Variants in SIDT1 observed in about 807,000 individuals in gnomAD.
SIDT1 encodes SID1 transmembrane family member 1.
In SIDT1, 101 loss-of-function variants were observed where a neutral mutation model predicts 107.5. That is an observed-to-expected ratio of 0.94 (90% CI 0.80 to 1.11). The LOEUF (loss-of-function observed/expected upper bound fraction) is 1.11. Among genes scored for constraint, SIDT1 ranks in the 50% least tolerant of loss-of-function variants. The pLI, the probability that SIDT1 is intolerant of heterozygous loss-of-function variation, is 0.00. For synonymous variants in SIDT1, 395 were observed against 398.2 expected (o/e 0.99, Z 0.10); for missense variants, 1,076 against 1,058.2 (o/e 1.02, Z -0.23).
At chr3:113,535,114 A>T (rs1937965679) in intron 1 of SIDT1, among the ~76,000 whole-genome samples, 2 of 152,170 alleles carry the variant, frequency 1.3e-5, no homozygotes, top group African/African-American at 4.8e-5. Flanking sequence ...TCTACAAAAA[A>T]TTAAAAAATT....
chr3:113,624,185 A>G (rs973266381), intron 23 of SIDT1, among the ~76,000 whole-genome samples: 9 of 152,230 alleles, frequency 5.9e-5, no homozygotes, highest in Non-Finnish European at 1.0e-4. Flanking sequence ...CCATCAGAAC[A>G]GTTACCACAA....
chr3:113,611,149 G>A lies in SIDT1; in HGVS notation c.1857+5G>A, dbSNP rs148845684. On this transcript the variant is annotated splice_donor_5th_base_variant and intron_variant, in intron 18 of 24. Transcript: ENST00000264852. Reference sequence around the variant, plus strand: ...ATGGTCACCGTCCTTGGAGTGGTGCGTCCCCCACCTTCTTCCACCTGGCTC... The same window carrying A: ...ATGGTCACCGTCCTTGGAGTGGTGCATCCCCCACCTTCTTCCACCTGGCTC... 16 of 1,612,232 alleles carry A rather than the reference G, an allele frequency of 9.9e-6. No individual in the cohort carries two copies. The highest frequency in any genetic ancestry group is 4.4e-5 in the South Asian group (4 of 90,962).
At chr3:113,556,789 G>A (rs2107690028) in intron 1 of SIDT1, among the ~76,000 whole-genome samples, 1 of 149,392 alleles carries the variant, frequency 6.7e-6, no homozygotes, top group African/African-American at 2.5e-5. Context: ...TTAGTCTGTG[G>A]CTTCTGATTG....
chr3:113,627,624 T>C (rs1254539020), intron 24 of SIDT1, 22 bp from the exon 25 acceptor site: 6 of 1,612,698 alleles, frequency 3.7e-6, no homozygotes, highest in Non-Finnish European at 5.1e-6. Context: ...TTCCTTTCAT[T>C]TCTCTGTCCC....
intron 3 of SIDT1, among the ~76,000 whole-genome samples, chr3:113,570,383 G>A (rs1235920801): frequency 6.6e-6 from 1 of 152,196 alleles, no homozygotes; most frequent in Non-Finnish European, 1.5e-5. Flanking sequence ...AATCAATCAA[G>A]TGTCACCTGG....
At chr3:113,552,787 A>T (rs1180958954) in intron 1 of SIDT1, among the ~76,000 whole-genome samples, 1 of 152,214 alleles carries the variant, frequency 6.6e-6, no homozygotes, top group Non-Finnish European at 1.5e-5. Context: ...CCAAATGGGC[A>T]TATCCATCTA....
intron 3 of SIDT1, among the ~76,000 whole-genome samples, chr3:113,571,302 C>T (rs1451459911): frequency 6.6e-6 from 1 of 152,098 alleles, no homozygotes; most frequent in Non-Finnish European, 1.5e-5. Flanking sequence ...CCTGTAGATC[C>T]AGTTACTCAG....
At chr3:113,581,545 C>T in intron 6 of SIDT1, 101 bp downstream of exon 6, 1 of 880,154 alleles carries the variant, frequency 1.1e-6, no homozygotes, top group Middle Eastern at 2.3e-4. Context: ...CCATGATGTG[C>T]CTAGGATCTC....
chr3:113,615,463 T>C (rs146709114), intron 19 of SIDT1, among the ~76,000 whole-genome samples: 3 of 152,334 alleles, frequency 2.0e-5, no homozygotes, highest in African/African-American at 7.2e-5. Flanking sequence ...TGACTGTTCA[T>C]GTAACATTAT....
intron 1 of SIDT1, among the ~76,000 whole-genome samples, chr3:113,560,305 C>G (rs899867054): frequency 2.0e-5 from 3 of 152,172 alleles, no homozygotes; most frequent in Non-Finnish European, 4.4e-5. Context: ...CTCTGTGTAC[C>G]CACAGTACTT....
chr3:113,625,319 A>G (rs1946777811), intron 23 of SIDT1, among the ~76,000 whole-genome samples: 1 of 151,828 alleles, frequency 6.6e-6, no homozygotes, highest in Admixed American at 6.6e-5. Context: ...TTGTATTTTT[A>G]GTAGAGACGG....
chr3:113,533,313 AGTCCCCTG>A (rs1937687083), intron 1 of SIDT1, 70 bp downstream of exon 1: 1 of 1,230,118 alleles, frequency 8.1e-7, no homozygotes, highest in Non-Finnish European at 1.1e-6. Flanking sequence ...GCTGCTTTGG[AGTCCCCTG>A]GGAATTGACC....
At chr3:113,560,786 T>C (rs79086145) in intron 1 of SIDT1, among the ~76,000 whole-genome samples, 6,767 of 152,328 alleles carry the variant, frequency 0.044, 253 homozygotes, top group Admixed American at 0.083. Context: ...ATTTTTGAAT[T>C]GAATTCATTT....
In SIDT1 at chr3:113,608,176, C is replaced by G. The variant is rs1945475097; in HGVS notation, c.1561C>G (p.Leu521Val). 2 of 1,610,704 alleles carry G rather than the reference C, an allele frequency of 1.2e-6. No homozygotes were observed. Among genetic ancestry groups the G allele is most frequent in the Non-Finnish European group, 1.7e-6 (2 of 1,178,618 alleles). The change falls in exon 16 of 25, where the codon CTC becomes GTC. Residue 521 changes from leucine to valine, a missense_variant. Leu to Val is a conservative substitution (Grantham distance 32). Coordinates refer to ENST00000264852, the MANE Select transcript of SIDT1 (RefSeq NM_017699.3). ...FLLIVLRRDI[L>V]HRRALEAKDI... ...GCTGATAGTCTTGCGCCGCGACATC[C>G]TCCATCGGAGAGCCCTGGAAGCCAA...
intron 1 of SIDT1, among the ~76,000 whole-genome samples, chr3:113,539,991 T>G: frequency 7.3e-6 from 1 of 136,580 alleles, no homozygotes; most frequent in African/African-American, 2.9e-5. Context: ...ACAACAACAG[T>G]GAAACTCCGT....
intron 19 of SIDT1, among the ~76,000 whole-genome samples, chr3:113,613,206 C>T (rs890648696): frequency 6.6e-6 from 1 of 152,236 alleles, no homozygotes; most frequent in African/African-American, 2.4e-5. Flanking sequence ...ACCACTTGGC[C>T]ATTCCCTGCC....
At chr3:113,565,183 T>G (rs1454797501) in intron 1 of SIDT1, among the ~76,000 whole-genome samples, 2 of 152,126 alleles carry the variant, frequency 1.3e-5, no homozygotes, top group African/African-American at 2.4e-5. Context: ...TGTTGTTGCT[T>G]TTACCCTATC....
intron 1 of SIDT1, among the ~76,000 whole-genome samples, chr3:113,534,095 G>GAGAGAC (rs530837326): frequency 2.7e-4 from 41 of 152,152 alleles, no homozygotes; most frequent in Non-Finnish European, 4.0e-4. Flanking sequence ...AAGAGAGAAA[G>GAGAGAC]AGAGACAGAG....
At chr3:113,567,083 A>G (rs1941988560) in intron 2 of SIDT1, among the ~76,000 whole-genome samples, 1 of 152,234 alleles carries the variant, frequency 6.6e-6, no homozygotes, top group Admixed American at 6.5e-5. Context: ...AAATGGACAC[A>G]TAACATTCTT....
Sources: gnomAD v4.1 joint callset for allele counts (sites outside exome capture counted in the v4.1 genomes callset) on GRCh38, gnomAD v4.1.1 for gene constraint, MANE v1.5 for transcripts, NCBI Gene and HGNC (gene_info 2026-07-23, HGNC 2026-07-21) for gene names.